Variants in G2E3 observed in about 807,000 individuals in gnomAD.
G2E3 encodes the protein G2/M phase-specific E3 ubiquitin-protein ligase.
Under a neutral mutation model 92.8 loss-of-function variants are expected in G2E3, and 35 were observed. That is an observed-to-expected ratio of 0.38 (90% confidence interval 0.29 to 0.50). The LOEUF (loss-of-function observed/expected upper bound fraction) is 0.50. Ranked by LOEUF, G2E3 falls within the 20% of genes least tolerant of loss-of-function variation. The pLI, the probability that G2E3 is intolerant of heterozygous loss-of-function variation, is 0.94. For missense variants in G2E3, 554 were observed against 823.8 expected, an observed-to-expected ratio of 0.67 and a Z score of 4.01; for synonymous variants, 242 against 272.4, an observed-to-expected ratio of 0.89 and a Z score of 1.10.
chr14:30,577,695 C>CCTTCCTTT (rs1298736849), intron 1 of G2E3: 2 of 152,218 alleles, frequency 1.3e-5, no homozygotes, highest in Admixed American at 6.5e-5. Flanking sequence ...GAGGAAGTCA[C>CCTTCCTTT]AATGCCTTTT....
chr14:30,565,420 T>G (rs987384192), intron 1 of G2E3, among the ~76,000 whole-genome samples: 21 of 152,136 alleles, frequency 1.4e-4, no homozygotes, highest in Middle Eastern at 3.2e-3. Context: ...TTCTGTAGAT[T>G]GTCATTAGAT....
intron 13 of G2E3, among the ~76,000 whole-genome samples, chr14:30,613,454 C>T (rs1039049767): frequency 6.6e-6 from 1 of 152,122 alleles, no homozygotes; most frequent in Non-Finnish European, 1.5e-5. Context: ...TTAATTCTTT[C>T]GATGTGAGCC....
Position 30,605,752 on chromosome 14 carries a change from C to G in G2E3, c.1258C>G (p.Leu420Val), listed in dbSNP as rs1393899687. The G allele has an allele frequency of 6.2e-7, 1 of 1,600,578 alleles. No homozygotes were observed. The highest frequency in any genetic ancestry group is 8.5e-7 in the Non-Finnish European group (1 of 1,174,242). The change falls in exon 11 of 15, where the codon CTT (leucine) becomes GTT (valine). Residue 420 changes from leucine to valine, a missense_variant. By Grantham distance (32) the Leu-to-Val change is conservative. Transcript: ENST00000206595. ...QEFLSLLMQH[L>V]ENSSLFEGSL... Reference sequence around the variant, plus strand: ...ATTTCTGAGTCTCTTAATGCAACATCTTGAGAACTCATCATTGTTTGAAGG... The same window carrying G: ...ATTTCTGAGTCTCTTAATGCAACATGTTGAGAACTCATCATTGTTTGAAGG...
chr14:30,576,870 G>T (rs904464271), intron 1 of G2E3, among the ~76,000 whole-genome samples: 1 of 152,122 alleles, frequency 6.6e-6, no homozygotes, highest in Non-Finnish European at 1.5e-5. Context: ...TCAAGTGCCT[G>T]ATTCCAGCAT....
At chr14:30,614,065 T>A (rs987040142) in intron 13 of G2E3, among the ~76,000 whole-genome samples, 1 of 152,148 alleles carries the variant, frequency 6.6e-6, no homozygotes, top group Non-Finnish European at 1.5e-5. Flanking sequence ...TAAAATGTTT[T>A]ATATAGTTCC....
intron 6 of G2E3, among the ~76,000 whole-genome samples, chr14:30,595,681 A>ACT (rs1162019881): frequency 6.6e-6 from 1 of 152,134 alleles, no homozygotes; most frequent in Non-Finnish European, 1.5e-5. Flanking sequence ...TTCTTGAGTC[A>ACT]CTCTCTCTAA....
intron 13 of G2E3, among the ~76,000 whole-genome samples, chr14:30,615,084 C>T (rs1882251704): frequency 6.6e-6 from 1 of 151,994 alleles, no homozygotes; most frequent in African/African-American, 2.4e-5. Context: ...ACTATAAAGC[C>T]AAATAATGTA....
intron 8 of G2E3, among the ~76,000 whole-genome samples, chr14:30,600,258 T>A (rs1322455222): frequency 6.6e-6 from 1 of 152,186 alleles, no homozygotes; most frequent in African/African-American, 2.4e-5. Context: ...CTGGAAAGTT[T>A]CCTGTTAGCA....
chr14:30,568,599 A>G (rs934808620), intron 1 of G2E3, among the ~76,000 whole-genome samples: 2 of 152,088 alleles, frequency 1.3e-5, no homozygotes, highest in Admixed American at 1.3e-4. Flanking sequence ...GGGGATTACA[A>G]TTAATATCTT....
intron 8 of G2E3, among the ~76,000 whole-genome samples, chr14:30,600,828 C>G (rs72666423): frequency 0.019 from 2,924 of 152,268 alleles, 42 homozygotes; most frequent in Non-Finnish European, 0.032. Flanking sequence ...CTTGAGTGGA[C>G]AAGTTATTGA....
chr14:30,576,954 C>T lies in G2E3; in HGVS notation c.-4-4122C>T, dbSNP rs572322813. 6.6e-5 allele frequency among the ~76,000 whole-genome samples: 10 copies of T among 152,176 alleles called. No individual in the cohort carries two copies. The South Asian group carries it at 1.9e-3, about 28-fold the overall frequency. ...AGAAAATGTTGGATGGGGCCAGGCA[C>T]GATGGCTCACACCTGTAATCCCAGC... On this transcript the variant is annotated intron_variant, in intron 1 of 14. Transcript: ENST00000206595.
chr14:30,586,093 C>G (rs1408842141), intron 2 of G2E3, among the ~76,000 whole-genome samples: 5 of 152,210 alleles, frequency 3.3e-5, no homozygotes, highest in Non-Finnish European at 1.5e-5. Context: ...TTTTGACAAA[C>G]AGCAGAGGCT....
intron 1 of G2E3, among the ~76,000 whole-genome samples, chr14:30,568,098 T>G (rs1290517036): frequency 1.3e-5 from 2 of 152,132 alleles, no homozygotes; most frequent in African/African-American, 2.4e-5. Context: ...GGGCTCTTAT[T>G]AGGTGGGTTT....
chr14:30,612,402 T>C, intron 13 of G2E3, 23 bp downstream of exon 13: 2 of 1,428,228 alleles, frequency 1.4e-6, no homozygotes, highest in Non-Finnish European at 1.9e-6. Context: ...TATTAATATA[T>C]GGCTCTTTCA....
chr14:30,586,046 C>G (rs1255518162), intron 2 of G2E3, among the ~76,000 whole-genome samples: 2 of 152,104 alleles, frequency 1.3e-5, no homozygotes, highest in Non-Finnish European at 2.9e-5. Flanking sequence ...ATCCCTTGTC[C>G]TAGGCTGCTA....
intron 13 of G2E3, 150 bp from the exon 14 acceptor site, chr14:30,615,199 T>C (rs1333073335): frequency 1.9e-6 from 1 of 521,048 alleles, no homozygotes; most frequent in Non-Finnish European, 3.4e-6. Context: ...CATCTGAAAA[T>C]ATGATTGTCT....
intron 14 of G2E3, 41 bp downstream of exon 14, chr14:30,615,580 ATTTG>A (rs759607762): frequency 6.4e-6 from 8 of 1,251,248 alleles, no homozygotes; most frequent in Non-Finnish European, 8.7e-6. Flanking sequence ...ATCTCAGAAT[ATTTG>A]TTTCAGCATA....
chr14:30,596,382 C>T (rs1566543111), intron 6 of G2E3, among the ~76,000 whole-genome samples: 2 of 152,148 alleles, frequency 1.3e-5, no homozygotes, highest in Admixed American at 1.3e-4. Context: ...ATTTATTCTT[C>T]ATACTACTGT....
At position 30,594,900 on chromosome 14, in the gene G2E3, G is replaced by C. The variant is rs372178479; in HGVS notation, c.528+1261G>C. ...TCCCAGCATTCTGGGAGGCCGAGGA[G>C]GGCGGATCACCTGAGGTCAGGAGTT... On this transcript the variant is annotated intron_variant, in intron 6 of 14. Transcript: ENST00000206595. 4.0e-5 allele frequency among the ~76,000 whole-genome samples: 6 copies of C among 151,512 alleles called. No homozygotes were observed. In the East Asian group the frequency reaches 9.7e-4, roughly 25 times the overall value.
Sources: gnomAD v4.1 joint callset for allele counts (sites outside exome capture counted in the v4.1 genomes callset) on GRCh38, gnomAD v4.1.1 for gene constraint, MANE v1.5 for transcripts, NCBI Gene and HGNC (gene_info 2026-07-23, HGNC 2026-07-21) for gene names.